Variants in DACH2 observed in about 807,000 individuals in gnomAD.
The protein encoded by DACH2 is dachshund homolog 2.
DACH2 carries 17 observed loss-of-function variants against 35.8 expected under a neutral mutation model. That is an observed-to-expected ratio of 0.48 (90% CI 0.33 to 0.71). The LOEUF (loss-of-function observed/expected upper bound fraction) is 0.71, where lower values mean the gene tolerates loss of function less well. DACH2 is among the 30% of genes least tolerant of loss of function. The probability of loss-of-function intolerance (pLI) is 0.02; values close to 1 mark genes in which losing one functional copy is unlikely to be tolerated. For missense variants in DACH2, 469 were observed against 472.7 expected (o/e 0.99, Z 0.07); for synonymous variants, 195 against 177.3 (o/e 1.10, Z -0.79).
chrX:86,391,926 T>C (rs1259592309), intron 2 of DACH2, among the ~76,000 whole-genome samples: 1 of 111,695 alleles, frequency 9.0e-6, no homozygotes, highest in East Asian at 2.8e-4. Flanking sequence ...AACATGATTT[T>C]TTTTGCACTA....
chrX:86,420,581 A>G (rs1014001187), intron 2 of DACH2, among the ~76,000 whole-genome samples: 2 of 111,614 alleles, frequency 1.8e-5, no homozygotes, highest in Non-Finnish European at 3.8e-5. Flanking sequence ...CGAACCTGTC[A>G]TATTTTCCCA....
At chrX:86,367,382 C>T (rs1490117695) in intron 1 of DACH2, among the ~76,000 whole-genome samples, 3 of 111,382 alleles carry the variant, frequency 2.7e-5, no homozygotes, top group East Asian at 5.7e-4. Flanking sequence ...GAAGAGAATG[C>T]CCCTTAGCTG....
rs764248749 is a variant in DACH2 at position 86,629,853 on chromosome X, C to A, written c.641-21183C>A. ...TTGTGCCACTGCACTCCAGCCTGAG[C>A]AACAGAGCGAGACCCTGTCTCAAAA... On this transcript the variant is annotated intron_variant, in intron 3 of 11. Coordinates refer to ENST00000373125, the MANE Select transcript of DACH2 (RefSeq NM_053281.3). 4.5e-5 allele frequency among the ~76,000 whole-genome samples: 5 copies of A among 111,061 alleles called. No homozygotes were observed. In the South Asian group the frequency reaches 1.2e-3, roughly 26 times the overall value.
At chrX:86,546,737 A>G (rs745929137) in intron 3 of DACH2, among the ~76,000 whole-genome samples, 109 of 108,014 alleles carry the variant, frequency 1.0e-3, no homozygotes, top group African/African-American at 3.4e-3. Flanking sequence ...GATGGTCTCA[A>G]TCTCCTGAAC....
intron 4 of DACH2, among the ~76,000 whole-genome samples, chrX:86,668,775 A>G (rs1019892401): frequency 1.8e-5 from 2 of 111,766 alleles, no homozygotes; most frequent in African/African-American, 3.2e-5. Flanking sequence ...GTTATTTTCA[A>G]TATGTTGCAG....
intron 1 of DACH2, among the ~76,000 whole-genome samples, chrX:86,296,831 G>A: frequency 9.1e-6 from 1 of 109,802 alleles, no homozygotes; most frequent in East Asian, 2.8e-4. Context: ...AGGTTGTGGG[G>A]GGCATGTATA....
At chrX:86,206,496 G>T (rs1239371733) in intron 1 of DACH2, among the ~76,000 whole-genome samples, 1 of 111,622 alleles carries the variant, frequency 9.0e-6, no homozygotes, top group African/African-American at 3.3e-5. Context: ...ACAATGATTT[G>T]TACACTTATC....
intron 1 of DACH2, among the ~76,000 whole-genome samples, chrX:86,224,420 C>G (rs2032778556): frequency 9.0e-6 from 1 of 111,409 alleles, no homozygotes; most frequent in Non-Finnish European, 1.9e-5. Context: ...TGCATATTGT[C>G]CCTTATTAAT....
intron 1 of DACH2, among the ~76,000 whole-genome samples, chrX:86,239,100 C>A (rs1466311826): frequency 1.8e-5 from 2 of 111,732 alleles, no homozygotes; most frequent in African/African-American, 6.5e-5. Flanking sequence ...AAATTTTATT[C>A]ATTATAGCTT....
At chrX:86,654,551 C>G (rs1380440878) in intron 4 of DACH2, among the ~76,000 whole-genome samples, 1 of 111,007 alleles carries the variant, frequency 9.0e-6, no homozygotes, top group East Asian at 2.8e-4. Context: ...ATGCAATTTT[C>G]TGGGGAATCA....
intron 1 of DACH2, among the ~76,000 whole-genome samples, chrX:86,264,224 A>G (rs1020234373): frequency 4.4e-4 from 49 of 112,272 alleles, no homozygotes; most frequent in African/African-American, 1.4e-3. Context: ...AAAAAAAGGT[A>G]AAATCAAATT....
chrX:86,158,046 T>C (rs746442745), intron 1 of DACH2, among the ~76,000 whole-genome samples: 1 of 111,332 alleles, frequency 9.0e-6, no homozygotes, highest in Admixed American at 9.6e-5. Context: ...AGAAACTATA[T>C]AAAAACTTTA....
intron 1 of DACH2, among the ~76,000 whole-genome samples, chrX:86,256,165 G>A (rs1379222969): frequency 9.0e-6 from 1 of 111,209 alleles, no homozygotes; most frequent in Non-Finnish European, 1.9e-5. Context: ...TGTGAAGTGA[G>A]GTACCTCTTT....
At chrX:86,152,074 A>G (rs1284881364) in intron 1 of DACH2, among the ~76,000 whole-genome samples, 4 of 111,967 alleles carry the variant, frequency 3.6e-5, no homozygotes, top group Non-Finnish European at 7.5e-5. Flanking sequence ...GAAAAAGTAA[A>G]TGTTTAGCGA....
chrX:86,430,906 C>T (rs1040199632), intron 2 of DACH2, among the ~76,000 whole-genome samples: 1 of 111,791 alleles, frequency 8.9e-6, no homozygotes, highest in Non-Finnish European at 1.9e-5. Context: ...GAGACGATGA[C>T]ATGTTTTTTG....
At chrX:86,520,084 A>T (rs1393089250) in intron 3 of DACH2, among the ~76,000 whole-genome samples, 1 of 111,552 alleles carries the variant, frequency 9.0e-6, no homozygotes, top group Non-Finnish European at 1.9e-5. Flanking sequence ...GCTTTGTCCC[A>T]GAGATTCTGG....
chrX:86,603,478 G>A, intron 3 of DACH2, among the ~76,000 whole-genome samples: 1 of 109,633 alleles, frequency 9.1e-6, no homozygotes, highest in Non-Finnish European at 1.9e-5. Context: ...AGCATCAACT[G>A]TAATTCCAAC....
intron 3 of DACH2, among the ~76,000 whole-genome samples, chrX:86,522,757 C>T (rs183016760): frequency 9.0e-6 from 1 of 111,635 alleles, no homozygotes; most frequent in East Asian, 2.8e-4. Context: ...TCCCCAATAG[C>T]TCATTCTGAT....
At chrX:86,184,815 C>T (rs908325440) in intron 1 of DACH2, among the ~76,000 whole-genome samples, 1 of 111,572 alleles carries the variant, frequency 9.0e-6, no homozygotes, top group Non-Finnish European at 1.9e-5. Flanking sequence ...GGCTACCGGA[C>T]ACAGATTTTA....
Sources: gnomAD v4.1 joint callset for allele counts (sites outside exome capture counted in the v4.1 genomes callset) on GRCh38, gnomAD v4.1.1 for gene constraint, MANE v1.5 for transcripts, NCBI Gene and HGNC (gene_info 2026-07-23, HGNC 2026-07-21) for gene names.